Variants in CABLES1 observed in about 807,000 individuals in gnomAD.
The protein encoded by CABLES1 is CDK5 and ABL1 enzyme substrate 1.
CABLES1 carries 36 observed loss-of-function variants against 57.8 expected under a neutral mutation model. The ratio of observed to expected loss-of-function variants is 0.62; its 90% CI spans 0.48 to 0.82. CABLES1 has a LOEUF of 0.82. Among genes scored for constraint, CABLES1 ranks in the 40% least tolerant of loss-of-function variants. The pLI is 0.00. For synonymous variants in CABLES1, 374 were observed against 363.0 expected (o/e 1.03, Z -0.35); for missense variants, 767 against 836.6 (o/e 0.92, Z 1.03).
Position 23,251,174 on chromosome 18 carries a change from C to T in CABLES1, c.1447-1786C>T, listed in dbSNP as rs368434860. 2.6e-4 allele frequency among the ~76,000 whole-genome samples: 39 copies of T among 152,272 alleles called. No homozygotes were observed. In the East Asian group the frequency reaches 3.9e-3, roughly 15 times the overall value. On this transcript the variant is annotated intron_variant, in intron 7 of 9. Coordinates refer to ENST00000256925, the MANE Select transcript of CABLES1 (RefSeq NM_001100619.3). ...CTGATTAAGATTATGGCATGTAGGC[C>T]GGGCACGGTTGCTCATGCCTGTAAT...
Position 23,166,695 on chromosome 18 carries a change from G to A in CABLES1, c.846-22143G>A, listed in dbSNP as rs745660850. On this transcript the variant is annotated intron_variant, in intron 1 of 9. Transcript: ENST00000256925. ...GGTTCTGTCAGTTATAATTTTTTGT[G>A]CCGTATATATACATATTTAGTGTTC... is the stretch of plus-strand genomic sequence containing the variant. Among the ~76,000 whole-genome samples the A allele has an allele frequency of 3.1e-4, 47 of 152,276 alleles. 1 individual carries two copies. Among genetic ancestry groups the A allele is most frequent in the Non-Finnish European group, 5.9e-4 (40 of 68,026 alleles).
At chr18:23,151,412 G>A (rs1448071685) in intron 1 of CABLES1, among the ~76,000 whole-genome samples, 38 of 152,218 alleles carry the variant, frequency 2.5e-4, no homozygotes, top group East Asian at 1.9e-4. Context: ...GCCTTTAGGC[G>A]AGAGCTTCCT....
Position 23,159,123 on chromosome 18 carries a change from G to A in CABLES1, c.845+22516G>A, listed in dbSNP as rs1273469882. 2.0e-5 allele frequency among the ~76,000 whole-genome samples: 3 copies of A among 152,250 alleles called. 1 individual carries two copies. The highest frequency in any genetic ancestry group is 4.1e-4 in the South Asian group (2 of 4,822). Reference sequence around the variant, plus strand: ...TGGGATTACAGGGGCACACCACCACGCCCGGTTAATTTTGTATTTCTAGTA... The same window carrying A: ...TGGGATTACAGGGGCACACCACCACACCCGGTTAATTTTGTATTTCTAGTA... On this transcript the variant is annotated intron_variant, in intron 1 of 9. Transcript: ENST00000256925.
At position 23,169,402 on chromosome 18, in the gene CABLES1, C is replaced by CT. The variant is rs146001165; in HGVS notation, c.846-19432dup. 3.3e-5 allele frequency among the ~76,000 whole-genome samples: 5 copies of CT among 152,312 alleles called. No homozygotes were observed. In the East Asian group the frequency reaches 7.7e-4, roughly 24 times the overall value. Reference sequence around the variant, plus strand: ...CTCTGTTGGGGTCTGGATCAGGACTCTTTTCCAGTAATGTAAGTATGCATG... The same window carrying CT: ...CTCTGTTGGGGTCTGGATCAGGACTCTTTTTCCAGTAATGTAAGTATGCATG... On this transcript the variant is annotated intron_variant, in intron 1 of 9. Transcript: ENST00000256925.
intron 1 of CABLES1, among the ~76,000 whole-genome samples, chr18:23,168,281 C>G (rs1357439321): frequency 6.6e-6 from 1 of 152,188 alleles, no homozygotes; most frequent in African/African-American, 2.4e-5. Context: ...ATGATTTAGC[C>G]TTAAAAAGGA....
Position 23,184,308 on chromosome 18 carries a change from C to CGTGTGTGTGT in CABLES1, c.846-4505_846-4496dup, listed in dbSNP as rs61158856. ...TAATGTGTGCCCTTGCATACTGGCACGTGTGTGTGTGTGTGTGTGTGTGTG... is the reference window on the plus strand; with the variant it reads ...TAATGTGTGCCCTTGCATACTGGCACGTGTGTGTGTGTGTGTGTGTGTGTGTGTGTGTGTG... On this transcript the variant is annotated intron_variant, in intron 1 of 9. Transcript: ENST00000256925. 8.4e-3 allele frequency among the ~76,000 whole-genome samples: 1,232 copies of CGTGTGTGTGT among 146,412 alleles called. 17 individuals carry two copies. The highest frequency in any genetic ancestry group is 0.03 in the African/African-American group (1,192 of 39,842).
intron 1 of CABLES1, among the ~76,000 whole-genome samples, chr18:23,145,442 C>T (rs1482859614): frequency 7.2e-5 from 11 of 152,032 alleles, no homozygotes; most frequent in Non-Finnish European, 1.2e-4. Flanking sequence ...TGCAAAATGT[C>T]GCTATCAAAG....
rs892693491 is a variant in CABLES1 at position 23,135,551 on chromosome 18, G to A, written c.-212G>A. On this transcript the variant is annotated 5_prime_UTR_variant, in exon 1 of 10. Coordinates refer to ENST00000256925, the MANE Select transcript of CABLES1 (RefSeq NM_001100619.3). ...AGCCGAACTAGCCGAGCTAGGTAGC[G>A]AGGCGTGCGCGTGGGCCGGGGCGGC... 1.2e-5 allele frequency: 2 copies of A among 168,452 alleles called. No individual in the cohort carries two copies. The highest frequency in any genetic ancestry group is 1.2e-5 in the Non-Finnish European group (1 of 83,180). The allele number at this position is 168,452 out of a possible 1,614,324, so 10.4% of individuals were successfully genotyped here.
At chr18:23,189,172 G>C (rs2047224001) in intron 2 of CABLES1, 1 of 401,856 alleles carries the variant, frequency 2.5e-6, no homozygotes, top group Admixed American at 4.2e-5. Flanking sequence ...TCTTCATTTT[G>C]TAAACTGCTG....
At chr18:23,227,928 G>A (rs1453445473) in intron 4 of CABLES1, among the ~76,000 whole-genome samples, 4 of 152,144 alleles carry the variant, frequency 2.6e-5, no homozygotes, top group South Asian at 2.1e-4. Context: ...AAGAGCTAGC[G>A]CCTAGTGGAG....
At chr18:23,188,726 T>G in intron 1 of CABLES1, 112 bp from the exon 2 acceptor site, 1 of 789,786 alleles carries the variant, frequency 1.3e-6, no homozygotes, top group African/African-American at 1.7e-5. Context: ...TTGTCTGATC[T>G]TTTCTTAACG....
intron 1 of CABLES1, among the ~76,000 whole-genome samples, chr18:23,178,598 A>T (rs1248542770): frequency 6.6e-6 from 1 of 152,206 alleles, no homozygotes; most frequent in Admixed American, 6.5e-5. Flanking sequence ...GTAGGGACTG[A>T]CATGAGGGAA....
intron 4 of CABLES1, among the ~76,000 whole-genome samples, chr18:23,214,917 T>A (rs1047096848): frequency 6.6e-6 from 1 of 152,180 alleles, no homozygotes; most frequent in African/African-American, 2.4e-5. Context: ...GCCTTCCTGC[T>A]CACCATGACC....
chr18:23,138,361 G>A (rs372424798), intron 1 of CABLES1, among the ~76,000 whole-genome samples: 1 of 151,948 alleles, frequency 6.6e-6, no homozygotes, highest in African/African-American at 2.4e-5. Context: ...TTTTCACCTC[G>A]GCACACACAT....
intron 1 of CABLES1, among the ~76,000 whole-genome samples, chr18:23,173,394 C>T (rs1363210610): frequency 6.6e-6 from 1 of 152,214 alleles, no homozygotes; most frequent in Non-Finnish European, 1.5e-5. Context: ...TCCAGCTCTT[C>T]CCTGGACATG....
chr18:23,160,393 G>A lies in CABLES1; in HGVS notation c.845+23786G>A, dbSNP rs193038363. ...TAGTAGAGTCTTGAATTTAGCAATG[G>A]AAAACACATAGGCAGTTTGTCTTCT... is the stretch of plus-strand genomic sequence containing the variant. On this transcript the variant is annotated intron_variant, in intron 1 of 9. Transcript: ENST00000256925. 6.6e-4 allele frequency among the ~76,000 whole-genome samples: 100 copies of A among 152,284 alleles called. 1 individual carries two copies. In the East Asian group the frequency reaches 0.018, roughly 28 times the overall value.
intron 1 of CABLES1, among the ~76,000 whole-genome samples, chr18:23,160,844 G>A (rs1026470067): frequency 1.3e-5 from 2 of 152,072 alleles, no homozygotes; most frequent in Non-Finnish European, 2.9e-5. Flanking sequence ...GACCACCCTG[G>A]ACGACATAGT....
Position 23,253,753 on chromosome 18 carries a change from T to G in CABLES1, c.1578T>G (p.Leu526=), listed in dbSNP as rs1568095870. 1 of 1,614,174 alleles carries G rather than the reference T, an allele frequency of 6.2e-7. No individual in the cohort carries two copies. The highest frequency in any genetic ancestry group is 2.2e-5 in the East Asian group (1 of 44,878). Residue 526 remains leucine (L), a synonymous_variant, in exon 9 of 10, where the codon CTT becomes CTG. Coordinates refer to ENST00000256925, the MANE Select transcript of CABLES1 (RefSeq NM_001100619.3). The part of the protein sequence containing the change: ...IRSLKREMRK[L]AQEDCGLEEP... ...GTCTGAAACGAGAGATGCGGAAGCT[T>G]GCGCAGGAGGACTGTGGCCTTGAGG...
At chr18:23,243,468 G>GTTTTT (rs551293348) in intron 7 of CABLES1, among the ~76,000 whole-genome samples, 1 of 101,870 alleles carries the variant, frequency 9.8e-6, no homozygotes, top group African/African-American at 3.6e-5. Flanking sequence ...TGGGTTTGGT[G>GTTTTT]TTTTTTTTTT....
Sources: gnomAD v4.1 joint callset for allele counts (sites outside exome capture counted in the v4.1 genomes callset) on GRCh38, gnomAD v4.1.1 for gene constraint, MANE v1.5 for transcripts, NCBI Gene and HGNC (gene_info 2026-07-23, HGNC 2026-07-21) for gene names.